KRTCAP2: variants seen among roughly 807,000 people sequenced by gnomAD.
KRTCAP2 encodes dolichyl-diphosphooligosaccharide--protein glycosyltransferase subunit KCP2.
In KRTCAP2, 10 loss-of-function variants were observed where a neutral mutation model predicts 16.5. That is an observed-to-expected ratio of 0.60 (90% CI 0.37 to 1.02). KRTCAP2 has a LOEUF of 1.02. Ranked by LOEUF, KRTCAP2 falls within the 50% of genes least tolerant of loss-of-function variation. KRTCAP2 has a pLI of 0.01. For missense variants in KRTCAP2, 152 were observed against 159.6 expected (o/e 0.95, Z 0.26); for synonymous variants, 68 against 69.8 (o/e 0.97, Z 0.13).
intron 3 of KRTCAP2, chr1:155,171,846 TCAA>T: frequency 1.4e-6 from 1 of 703,836 alleles, no homozygotes; most frequent in Non-Finnish European, 1.6e-6. Flanking sequence ...AAGCCTTGTC[TCAA>T]AAAAAAAAAA....
At chr1:155,172,023 A>C (rs1172801134) in intron 3 of KRTCAP2, 2 of 990,282 alleles carry the variant, frequency 2.0e-6, no homozygotes, top group Non-Finnish European at 2.4e-6. Flanking sequence ...ATTCTCCATA[A>C]ATAACTGAAT....
intron 1 of KRTCAP2, 57 bp downstream of exon 1, chr1:155,173,164 T>G: frequency 7.0e-7 from 1 of 1,435,948 alleles, no homozygotes; most frequent in East Asian, 2.3e-5. Context: ...GGAAAGCTTG[T>G]CCACCCAAAC....
At position 155,169,818 on chromosome 1, in the gene KRTCAP2, A is replaced by C; in HGVS notation, c.263T>G (p.Leu88Arg). Reference protein sequence around the residue: ...CLLLALFASGLIHRVCVTTCF... With the variant: ...CLLLALFASGRIHRVCVTTCF... ...GGTGGTGACACAGACTCGGTGGATGAGGCCAGATGCAAAGAGAGCCAACAG... is the reference window on the plus strand; with the variant it reads ...GGTGGTGACACAGACTCGGTGGATGCGGCCAGATGCAAAGAGAGCCAACAG... Residue 88 changes from leucine to arginine, a missense_variant, in exon 4 of 5, where the codon CTC becomes CGC. Coordinates refer to ENST00000295682, the MANE Select transcript of KRTCAP2 (RefSeq NM_173852.4). 1 of 1,597,294 alleles carries C rather than the reference A, an allele frequency of 6.3e-7. No homozygotes were observed. The highest frequency in any genetic ancestry group is 8.5e-7 in the Non-Finnish European group (1 of 1,171,298).
intron 1 of KRTCAP2, 150 bp downstream of exon 1, chr1:155,173,071 G>A (rs1571720970): frequency 2.1e-6 from 2 of 938,480 alleles, no homozygotes; most frequent in East Asian, 2.6e-5. Context: ...CCCCAGCCCC[G>A]GACACCCCGA....
At chr1:155,169,751 A>T in intron 4 of KRTCAP2, 40 bp downstream of exon 4, 1 of 1,541,346 alleles carries the variant, frequency 6.5e-7, no homozygotes. Flanking sequence ...ATGCCAAAAA[A>T]CGGAATGCTA....
chr1:155,169,705 G>T, intron 4 of KRTCAP2, 86 bp downstream of exon 4: 1 of 1,374,414 alleles, frequency 7.3e-7, no homozygotes, highest in Non-Finnish European at 1.0e-6. Context: ...GGTAGGTGTG[G>T]AAGGAAAAAC....
Position 155,169,489 on chromosome 1 carries a change from G to A in KRTCAP2, c.362C>T (p.Pro121Leu). 1 of 1,614,100 alleles carries A rather than the reference G, an allele frequency of 6.2e-7. No individual in the cohort carries two copies. Among genetic ancestry groups the A allele is most frequent in the Non-Finnish European group, 8.5e-7 (1 of 1,179,934 alleles). Reference sequence around the variant, plus strand: ...TGTGACCTTGGCTGGTGTGAGGACTGGAGCTGCTGCCTGGTACAGGGTGGA... The same window carrying A: ...TGTGACCTTGGCTGGTGTGAGGACTAGAGCTGCTGCCTGGTACAGGGTGGA... ...ISSTLYQAAA[P>L]VLTPAKVTGK... The change falls in exon 5 of 5, where the codon CCA becomes CTA. Residue 121 changes from proline to leucine, a missense_variant. Pro to Leu is a moderately conservative substitution (Grantham distance 98). Coordinates refer to ENST00000295682, the MANE Select transcript of KRTCAP2 (RefSeq NM_173852.4).
At chr1:155,172,230 A>G (rs1312131106) in intron 3 of KRTCAP2, 2 of 1,194,500 alleles carry the variant, frequency 1.7e-6, no homozygotes, top group Non-Finnish European at 2.1e-6. Flanking sequence ...TCCATAGTGA[A>G]CTTGGTCCTG....
chr1:155,172,553 A>C lies in KRTCAP2; in HGVS notation c.223+12T>G, dbSNP rs1341446868. ...AGAAAGTTCAAATACTCAAGCTCCA[A>C]TATTCACTTACTCTCAGGGAAGATC... On this transcript the variant is annotated intron_variant, in intron 3 of 4. Transcript: ENST00000295682. The C allele has an allele frequency of 1.9e-6, 3 of 1,614,116 alleles. No homozygotes were observed. The highest frequency in any genetic ancestry group is 1.7e-5 in the Admixed American group (1 of 60,004).
intron 1 of KRTCAP2, 106 bp from the exon 2 acceptor site, chr1:155,172,998 G>A: frequency 2.4e-6 from 3 of 1,232,486 alleles, no homozygotes; most frequent in Admixed American, 2.0e-5. Context: ...CCCCCTCCAA[G>A]AACTCCCGGG....
intron 4 of KRTCAP2, 34 bp downstream of exon 4, chr1:155,169,757 T>A (rs1665182100): frequency 6.4e-7 from 1 of 1,557,790 alleles, no homozygotes; most frequent in African/African-American, 1.4e-5. Flanking sequence ...AAAAACGGAA[T>A]GCTACACCCC....
In KRTCAP2 at chr1:155,169,473, G is replaced by T; in HGVS notation, c.378C>A (p.Ala126=). The T allele has an allele frequency of 6.2e-7, 1 of 1,614,098 alleles. No individual in the cohort carries two copies. The change falls in exon 5 of 5, where the codon GCC becomes GCA. Residue 126 remains alanine (A), a synonymous_variant. Transcript: ENST00000295682. ...TCTTCTTGCTCTTGCCTGTGACCTT[G>T]GCTGGTGTGAGGACTGGAGCTGCTG... ...YQAAAPVLTP[A]KVTGKSKKRN
In KRTCAP2 at chr1:155,172,395, C is replaced by T. The variant is rs1235546884; in HGVS notation, c.223+170G>A. Reference sequence around the variant, plus strand: ...AGGCCTTCTCTTCCAGCTCCAACTCCAGGAGCTATACAAGGTGCAGAATCG... The same window carrying T: ...AGGCCTTCTCTTCCAGCTCCAACTCTAGGAGCTATACAAGGTGCAGAATCG... On this transcript the variant is annotated intron_variant, in intron 3 of 4. Transcript: ENST00000295682. 2.1e-6 allele frequency: 3 copies of T among 1,458,400 alleles called. No individual in the cohort carries two copies. The African/African-American group carries it at 4.3e-5, about 21-fold the overall frequency. The allele number at this position is 1,458,400 out of a possible 1,614,324, so 90.3% of individuals were successfully genotyped here. A position where few individuals can be genotyped will look rare whatever the true frequency, so the allele number is the denominator to read the frequency against.
chr1:155,169,594 G>A (rs1391165229), intron 4 of KRTCAP2, 34 bp from the exon 5 acceptor site: 1 of 1,608,528 alleles, frequency 6.2e-7, no homozygotes, highest in Admixed American at 1.7e-5. Flanking sequence ...CATGGCACCA[G>A]TGGGCATCTG....
At chr1:155,170,359 A>AT (rs1665203174) in intron 3 of KRTCAP2, 1 of 152,474 alleles carries the variant, frequency 6.6e-6, no homozygotes, top group African/African-American at 2.4e-5. Flanking sequence ...AAAAAAAAAA[A>AT]AAGAACATGG....
At position 155,169,672 on chromosome 1, in the gene KRTCAP2, C is replaced by T. The variant is rs1412202191; in HGVS notation, c.291-112G>A. The T allele has an allele frequency of 1.1e-5, 16 of 1,414,866 alleles. 1 individual carries two copies. Among genetic ancestry groups the T allele is most frequent in the South Asian group, 3.7e-5 (3 of 82,100 alleles). The allele number at this position is 1,414,866 out of a possible 1,614,324, so 87.6% of individuals were successfully genotyped here. ...GAATCCAAGTTCAAGTTTAGGAAAACGGGGAGGGAGAACAGAGAGAGAGGT... is the reference window on the plus strand; with the variant it reads ...GAATCCAAGTTCAAGTTTAGGAAAATGGGGAGGGAGAACAGAGAGAGAGGT... On this transcript the variant is annotated intron_variant, in intron 4 of 4. Coordinates refer to ENST00000295682, the MANE Select transcript of KRTCAP2 (RefSeq NM_173852.4).
In KRTCAP2 at chr1:155,173,230, C is replaced by T; in HGVS notation, c.-6G>A. ...CCACCGGTCCTGTTACCCATCATGC[C>T]CCGCCCGTGAGTCCAACCGGCGCCT... On this transcript the variant is annotated 5_prime_UTR_variant, in exon 1 of 5. Coordinates refer to ENST00000295682, the MANE Select transcript of KRTCAP2 (RefSeq NM_173852.4). 1 of 1,613,862 alleles carries T rather than the reference C, an allele frequency of 6.2e-7. No individual in the cohort carries two copies. The highest frequency in any genetic ancestry group is 8.5e-7 in the Non-Finnish European group (1 of 1,180,000).
At chr1:155,170,043 G>C in intron 3 of KRTCAP2, 186 bp from the exon 4 acceptor site, 1 of 522,376 alleles carries the variant, frequency 1.9e-6, no homozygotes, top group South Asian at 2.2e-5. Context: ...GTAGGAGGTT[G>C]AGTGTGGTGG....
intron 3 of KRTCAP2, chr1:155,170,155 TAA>T (rs911532418): frequency 5.7e-4 from 104 of 181,852 alleles, no homozygotes; most frequent in South Asian, 8.3e-4. Context: ...ACCCATCTCT[TAA>T]AAAAAAAAAA....
Sources: allele counts gnomAD v4.1 joint callset, GRCh38; gene constraint gnomAD v4.1.1; transcripts MANE v1.5; gene names NCBI Gene and HGNC (gene_info 2026-07-23, HGNC 2026-07-21).